DPF3: variants seen among roughly 807,000 people sequenced by gnomAD.
The protein encoded by DPF3 is zinc finger protein DPF3.
Under a neutral mutation model 56.8 loss-of-function variants are expected in DPF3, and 18 were observed. The ratio of observed to expected loss-of-function variants is 0.32; its 90% CI spans 0.22 to 0.47. The LOEUF is 0.47. DPF3 is among the 20% of genes least tolerant of loss of function. DPF3 has a pLI of 1.00. For synonymous variants in DPF3, 188 were observed against 180.2 expected, an observed-to-expected ratio of 1.04 and a Z score of -0.35; for missense variants, 403 against 488.8, an observed-to-expected ratio of 0.82 and a Z score of 1.65.
rs1884275491 is a variant in DPF3, at chr14:72,619,347, A to AT, written c.1086dup (p.Cys363MetfsTer124). 1.3e-6 allele frequency: 2 copies of AT among 1,536,168 alleles called. No individual in the cohort carries two copies. The highest frequency in any genetic ancestry group is 8.7e-7 in the Non-Finnish European group (1 of 1,146,912). On this transcript the variant is annotated frameshift_variant, in exon 11 of 11. Transcript: ENST00000556509. LOFTEE classifies it high-confidence loss of function. ...GCTTTCTCTTTGAGCAGTTCCCAGCATAAGTGGCAGCTCCAGCTTCCTGCA... is the reference window on the plus strand; with the variant it reads ...GCTTTCTCTTTGAGCAGTTCCCAGCATTAAGTGGCAGCTCCAGCTTCCTGCA...
At chr14:72,870,833 G>T (rs773042155) in intron 1 of DPF3, among the ~76,000 whole-genome samples, 1 of 152,226 alleles carries the variant, frequency 6.6e-6, no homozygotes, top group Non-Finnish European at 1.5e-5. Flanking sequence ...CCAGCACTTT[G>T]GGAGGCTGAG....
chr14:72,743,162 C>T (rs1890197499), intron 3 of DPF3, among the ~76,000 whole-genome samples: 1 of 152,188 alleles, frequency 6.6e-6, no homozygotes, highest in Non-Finnish European at 1.5e-5. Flanking sequence ...GCTGCCCTCC[C>T]TCCCATCACC....
intron 6 of DPF3, among the ~76,000 whole-genome samples, chr14:72,710,637 G>T (rs1174179312): frequency 6.6e-6 from 1 of 152,232 alleles, no homozygotes; most frequent in Non-Finnish European, 1.5e-5. Context: ...TGGAGCCCAG[G>T]AGTCTGAATT....
At chr14:72,767,759 G>A (rs1599423654) in intron 2 of DPF3, among the ~76,000 whole-genome samples, 2 of 13,578 alleles carry the variant, frequency 1.5e-4, no homozygotes, top group Non-Finnish European at 1.9e-4. Context: ...CCCAAATTTG[G>A]CAAAAAAAAA....
chr14:72,825,622 C>T lies in DPF3; in HGVS notation c.33-53729G>A, dbSNP rs74901571. On this transcript the variant is annotated intron_variant, in intron 1 of 10. Transcript: ENST00000556509. Reference sequence around the variant, plus strand: ...GCCTGTTTCTGTCCAGATGGAAAGTCACACCCTCAAGAAGGCCCCTGGGGA... The same window carrying T: ...GCCTGTTTCTGTCCAGATGGAAAGTTACACCCTCAAGAAGGCCCCTGGGGA... Among the ~76,000 whole-genome samples the T allele has an allele frequency of 7.2e-3, 1,097 of 152,300 alleles. 12 individuals carry two copies. Among genetic ancestry groups the T allele is most frequent in the African/African-American group, 0.025 (1,053 of 41,552 alleles).
intron 7 of DPF3, among the ~76,000 whole-genome samples, chr14:72,685,075 AT>A (rs1458284671): frequency 1.3e-5 from 2 of 152,234 alleles, no homozygotes; most frequent in African/African-American, 2.4e-5. Context: ...ATTGTGAGAA[AT>A]AAATTCCGGT....
rs192712487 is a variant in DPF3 at position 72,632,595 on chromosome 14, G to A, written c.872-2859C>T. On this transcript the variant is annotated intron_variant, in intron 8 of 10. Transcript: ENST00000556509. The stretch of plus-strand genomic sequence containing the variant: ...ATAAGAAAAAGGAGAGAGAGAGGAA[G>A]GAGGGAAGGAAGAAAGGAAGGAAGG... Among the ~76,000 whole-genome samples, 14 of 148,444 alleles carry A rather than the reference G, an allele frequency of 9.4e-5. No individual in the cohort carries two copies. In the East Asian group the frequency reaches 2.2e-3, roughly 23 times the overall value.
At chr14:72,846,798 A>C (rs1237718277) in intron 1 of DPF3, among the ~76,000 whole-genome samples, 1 of 152,120 alleles carries the variant, frequency 6.6e-6, no homozygotes, top group East Asian at 1.9e-4. Flanking sequence ...TATTCTTCCC[A>C]CAGAGGACTA....
At chr14:72,789,524 A>C (rs556292010) in intron 1 of DPF3, among the ~76,000 whole-genome samples, 8 of 151,910 alleles carry the variant, frequency 5.3e-5, no homozygotes, top group Admixed American at 2.0e-4. Context: ...TAAAATAATA[A>C]TTTTTTTTGA....
chr14:72,658,402 ATT>A (rs1456271032), intron 8 of DPF3, among the ~76,000 whole-genome samples: 2 of 152,182 alleles, frequency 1.3e-5, no homozygotes, highest in Non-Finnish European at 2.9e-5. Flanking sequence ...GAAACTGATG[ATT>A]TAGGGATATA....
intron 1 of DPF3, among the ~76,000 whole-genome samples, chr14:72,825,699 CA>C (rs1340981960): frequency 0.2 from 528 of 2,662 alleles, 8 homozygotes; most frequent in African/African-American, 0.37. Flanking sequence ...CTGCCCAGCC[CA>C]GCCCAGCCCA....
At chr14:72,777,343 C>T (rs1049464294) in intron 1 of DPF3, among the ~76,000 whole-genome samples, 1 of 152,222 alleles carries the variant, frequency 6.6e-6, no homozygotes, top group African/African-American at 2.4e-5. Context: ...ATAACTGGCA[C>T]ACAGGGGGCA....
chr14:72,734,797 C>G (rs116468389), intron 3 of DPF3, among the ~76,000 whole-genome samples: 7 of 152,118 alleles, frequency 4.6e-5, no homozygotes, highest in African/African-American at 1.4e-4. Flanking sequence ...ACTGAAATCA[C>G]GACAATGGCC....
At chr14:72,663,330 C>T (rs1886305197) in intron 8 of DPF3, among the ~76,000 whole-genome samples, 2 of 152,124 alleles carry the variant, frequency 1.3e-5, no homozygotes, top group Non-Finnish European at 2.9e-5. Flanking sequence ...CCACAGAAAA[C>T]CCCATCAGAT....
At chr14:72,627,274 G>A (rs751602034) in intron 9 of DPF3, among the ~76,000 whole-genome samples, 23 of 152,126 alleles carry the variant, frequency 1.5e-4, no homozygotes, top group Non-Finnish European at 3.1e-4. Context: ...TAGTACTAGC[G>A]TGGTTTTACT....
Position 72,714,509 on chromosome 14 carries a change from G to A in DPF3, c.526-8C>T. On this transcript the variant is annotated splice_region_variant and splice_polypyrimidine_tract_variant and intron_variant, in intron 5 of 10. Coordinates refer to ENST00000556509, the MANE Select transcript of DPF3 (RefSeq NM_001280542.3). Reference sequence around the variant, plus strand: ...CCCTGCAGAGCCGCGAGCCTGGGGAGACATTGGGGTACAGGATGCTTGTTA... The same window carrying A: ...CCCTGCAGAGCCGCGAGCCTGGGGAAACATTGGGGTACAGGATGCTTGTTA... The A allele has an allele frequency of 6.2e-7, 1 of 1,613,638 alleles. No homozygotes were observed. Among genetic ancestry groups the A allele is most frequent in the Non-Finnish European group, 8.5e-7 (1 of 1,179,692 alleles).
chr14:72,731,524 G>C (rs1889644667), intron 4 of DPF3: 1 of 374,066 alleles, frequency 2.7e-6, no homozygotes, highest in African/African-American at 2.1e-5. Flanking sequence ...GTGTCCCTGG[G>C]ACCCTGCACA....
intron 1 of DPF3, among the ~76,000 whole-genome samples, chr14:72,887,694 G>GAAA (rs397711582): frequency 6.6e-6 from 1 of 151,684 alleles, no homozygotes; most frequent in Non-Finnish European, 1.5e-5. Context: ...GCGGCTCAAA[G>GAAA]TTCTGTGTCC....
intron 1 of DPF3, among the ~76,000 whole-genome samples, chr14:72,815,982 G>A (rs931115486): frequency 1.3e-5 from 2 of 152,192 alleles, no homozygotes; most frequent in African/African-American, 2.4e-5. Flanking sequence ...TATTTCCAGG[G>A]TGTGTAATGT....
Sources: allele counts gnomAD v4.1 joint callset (sites outside exome capture counted in the v4.1 genomes callset), GRCh38; gene constraint gnomAD v4.1.1; transcripts MANE v1.5; gene names NCBI Gene and HGNC (gene_info 2026-07-23, HGNC 2026-07-21).